The following NCOA7 variants were observed in gnomAD, a reference collection of about 807,000 sequenced individuals.
NCOA7 encodes nuclear receptor coactivator 7.
A neutral mutation model predicts 104.3 loss-of-function variants in NCOA7; 45 were observed. The observed-to-expected ratio is 0.43, with a 90% confidence interval of 0.34 to 0.55. NCOA7 has a LOEUF of 0.55. NCOA7 is among the 20% of genes least tolerant of loss of function. The pLI, the probability that NCOA7 is intolerant of heterozygous loss-of-function variation, is 0.02. For synonymous variants in NCOA7, 398 were observed against 402.3 expected (o/e 0.99, Z 0.13); for missense variants, 1,041 against 1,119.7 (o/e 0.93, Z 1.00).
chr6:125,798,485 A>C (rs1775552854), intron 1 of NCOA7, among the ~76,000 whole-genome samples: 1 of 152,220 alleles, frequency 6.6e-6, no homozygotes. Context: ...AGTTATTATC[A>C]AGGGTGTTAC....
At chr6:125,874,182 G>A (rs555676034) in intron 3 of NCOA7, among the ~76,000 whole-genome samples, 80 of 152,120 alleles carry the variant, frequency 5.3e-4, no homozygotes, top group Non-Finnish European at 1.0e-3. Context: ...AAAATTAGCC[G>A]GACATGGTGG....
intron 10 of NCOA7, 98 bp downstream of exon 10, chr6:125,890,908 A>G: frequency 8.6e-7 from 1 of 1,160,410 alleles, no homozygotes; most frequent in Non-Finnish European, 1.2e-6. Flanking sequence ...TTCTTGAATA[A>G]GAGCTTTATC....
chr6:125,880,991 C>T, intron 5 of NCOA7, 99 bp from the exon 6 acceptor site: 2 of 792,974 alleles, frequency 2.5e-6, no homozygotes, highest in African/African-American at 1.7e-5. Context: ...CGTAATCATG[C>T]ACTGAACATG....
At chr6:125,920,231 A>G (rs1176959815) in intron 11 of NCOA7, among the ~76,000 whole-genome samples, 1 of 152,234 alleles carries the variant, frequency 6.6e-6, no homozygotes, top group Non-Finnish European at 1.5e-5. Context: ...TGTAATTTAG[A>G]CTAAAGCTTC....
chr6:125,781,502 A>T (rs963953169), intron 1 of NCOA7: 4 of 152,208 alleles, frequency 2.6e-5, no homozygotes, highest in Admixed American at 6.5e-5. Flanking sequence ...TATTAAGATA[A>T]TAAGATAGAA....
intron 2 of NCOA7, among the ~76,000 whole-genome samples, chr6:125,836,347 C>G (rs530097083): frequency 6.6e-6 from 1 of 152,074 alleles, no homozygotes; most frequent in East Asian, 1.9e-4. Flanking sequence ...AATATTGAGC[C>G]CCTCTTTTTA....
chr6:125,789,962 A>G (rs1393515104), upstream of NCOA7, among the ~76,000 whole-genome samples: 1 of 152,246 alleles, frequency 6.6e-6, no homozygotes. Context: ...TGGTCATGGG[A>G]CCGCAGAGGG....
intron 3 of NCOA7, among the ~76,000 whole-genome samples, chr6:125,859,144 A>C (rs1781837683): frequency 6.6e-6 from 1 of 152,154 alleles, no homozygotes; most frequent in Admixed American, 6.5e-5. Flanking sequence ...TGAAGAAGGC[A>C]GGCTGTGCTG....
intron 2 of NCOA7, among the ~76,000 whole-genome samples, chr6:125,852,994 T>C (rs1047043186): frequency 6.6e-6 from 1 of 152,222 alleles, no homozygotes; most frequent in East Asian, 1.9e-4. Context: ...AGGAATTGCA[T>C]TGAATCTGTC....
chr6:125,853,059 G>A (rs1781255850), intron 2 of NCOA7, among the ~76,000 whole-genome samples: 1 of 152,194 alleles, frequency 6.6e-6, no homozygotes, highest in Non-Finnish European at 1.5e-5. Flanking sequence ...CAGTCCATGA[G>A]CATGGGGTGT....
In NCOA7 at chr6:125,840,748, C is replaced by G. The variant is rs896524082; in HGVS notation, c.51-14272C>G. ...TGGTCTTGAAACTCCTGGGCTCAAGCAGTTCTTCTGCTTTGGCCTCCCAAA... is the reference window on the plus strand; with the variant it reads ...TGGTCTTGAAACTCCTGGGCTCAAGGAGTTCTTCTGCTTTGGCCTCCCAAA... On this transcript the variant is annotated intron_variant, in intron 2 of 15. Coordinates refer to ENST00000392477, the MANE Select transcript of NCOA7 (RefSeq NM_181782.5). Among the ~76,000 whole-genome samples, 3 of 150,346 alleles carry G rather than the reference C, an allele frequency of 2.0e-5. 1 individual carries two copies. The highest frequency in any genetic ancestry group is 7.5e-5 in the African/African-American group (3 of 40,174).
At chr6:125,842,391 C>T (rs674859) in intron 2 of NCOA7, among the ~76,000 whole-genome samples, 48,430 of 151,988 alleles carry the variant, frequency 0.32, 7,875 homozygotes, top group South Asian at 0.44. Context: ...TTTTGCTGTT[C>T]TTCCAGAATT....
intron 10 of NCOA7, among the ~76,000 whole-genome samples, chr6:125,913,384 T>C (rs965413164): frequency 6.6e-6 from 1 of 152,292 alleles, no homozygotes. Flanking sequence ...CCCACCCACA[T>C]TATGGAGCAT....
intron 10 of NCOA7, among the ~76,000 whole-genome samples, chr6:125,911,124 C>A (rs777046269): frequency 3.3e-5 from 5 of 152,280 alleles, no homozygotes; most frequent in Non-Finnish European, 4.4e-5. Context: ...GGTAATCCAA[C>A]AAAGAAACAG....
rs78491745 is a variant in NCOA7, at chr6:125,913,173, A to G, written c.2097-2160A>G. ...GAACCAAAATGTGTGTATTATACATAGAGATCTGTTTTAAAGAATTGGCTC... is the reference window on the plus strand; with the variant it reads ...GAACCAAAATGTGTGTATTATACATGGAGATCTGTTTTAAAGAATTGGCTC... On this transcript the variant is annotated intron_variant, in intron 10 of 15. Transcript: ENST00000392477. Among the ~76,000 whole-genome samples, 1,340 of 152,326 alleles carry G rather than the reference A, an allele frequency of 8.8e-3. 13 individuals are homozygous for G. The highest frequency in any genetic ancestry group is 0.013 in the South Asian group (63 of 4,824).
rs1036224919 is a variant in NCOA7, at chr6:125,915,650, C to A, written c.2244+170C>A. Reference sequence around the variant, plus strand: ...GTTTGAAAAAAAACACCACCACCAGCACCACCGCTATGTACACAGGCACAC... The same window carrying A: ...GTTTGAAAAAAAACACCACCACCAGAACCACCGCTATGTACACAGGCACAC... On this transcript the variant is annotated intron_variant, in intron 11 of 15. Coordinates refer to ENST00000392477, the MANE Select transcript of NCOA7 (RefSeq NM_181782.5). Among the ~76,000 whole-genome samples the A allele has an allele frequency of 2.0e-5, 3 of 152,086 alleles. 1 individual carries two copies. Among genetic ancestry groups the A allele is most frequent in the African/African-American group, 7.2e-5 (3 of 41,394 alleles).
intron 3 of NCOA7, among the ~76,000 whole-genome samples, chr6:125,870,274 C>T (rs1357888891): frequency 6.6e-6 from 1 of 152,156 alleles, no homozygotes; most frequent in Non-Finnish European, 1.5e-5. Flanking sequence ...ATGACCTTAC[C>T]CCTACTCTAC....
Position 125,809,035 on chromosome 6 carries a change from G to A in NCOA7, c.-64-6256G>A, listed in dbSNP as rs897937379. Among the ~76,000 whole-genome samples, 8 of 152,196 alleles carry A rather than the reference G, an allele frequency of 5.3e-5. No homozygotes were observed. In the South Asian group the frequency reaches 1.0e-3, roughly 20 times the overall value. Reference sequence around the variant, plus strand: ...AAACCCTTTCCCGAATAGCAGATCCGGAGCCCATCCTTGATCATCACCTTG... The same window carrying A: ...AAACCCTTTCCCGAATAGCAGATCCAGAGCCCATCCTTGATCATCACCTTG... On this transcript the variant is annotated intron_variant, in intron 1 of 15. Coordinates refer to ENST00000392477, the MANE Select transcript of NCOA7 (RefSeq NM_181782.5).
At chr6:125,810,569 A>T (rs1489803163) in intron 1 of NCOA7, among the ~76,000 whole-genome samples, 1 of 152,252 alleles carries the variant, frequency 6.6e-6, no homozygotes, top group Non-Finnish European at 1.5e-5. Flanking sequence ...GAAAGTCAAC[A>T]TTAAATGAAT....
Sources: gnomAD v4.1 joint callset for allele counts (sites outside exome capture counted in the v4.1 genomes callset) on GRCh38, gnomAD v4.1.1 for gene constraint, MANE v1.5 for transcripts, NCBI Gene and HGNC (gene_info 2026-07-23, HGNC 2026-07-21) for gene names.